Variants in NRXN1 observed in about 807,000 individuals in gnomAD.
NRXN1 encodes neurexin-1.
Under a neutral mutation model 150.9 loss-of-function variants are expected in NRXN1, and 39 were observed. That is an observed-to-expected ratio of 0.26 (90% CI 0.20 to 0.34). The LOEUF is 0.34. Ranked by LOEUF, NRXN1 falls within the 10% of genes least tolerant of loss-of-function variation. The pLI is 1.00. For synonymous variants in NRXN1, 924 were observed against 757.0 expected, an observed-to-expected ratio of 1.22 and a Z score of -3.62; for missense variants, 1,815 against 1,949.9, an observed-to-expected ratio of 0.93 and a Z score of 1.30.
chr2:50,180,510 G>A (rs545007532), intron 18 of NRXN1, among the ~76,000 whole-genome samples: 2 of 152,232 alleles, frequency 1.3e-5, no homozygotes, highest in South Asian at 4.1e-4. Context: ...AATGGGAGGT[G>A]TTTAGATAAT....
At chr2:50,098,641 TA>T (rs756606217) in intron 18 of NRXN1, among the ~76,000 whole-genome samples, 22 of 152,224 alleles carry the variant, frequency 1.4e-4, no homozygotes, top group Non-Finnish European at 7.4e-5. Context: ...TTGGAAACTT[TA>T]ATCTTGCTGA....
intron 5 of NRXN1, among the ~76,000 whole-genome samples, chr2:50,640,869 T>C (rs1212795194): frequency 6.6e-6 from 1 of 152,144 alleles, no homozygotes; most frequent in Non-Finnish European, 1.5e-5. Flanking sequence ...AAACCTTATG[T>C]AACCATTCAA....
At chr2:50,254,224 G>A (rs1207641927) in intron 17 of NRXN1, among the ~76,000 whole-genome samples, 2 of 151,668 alleles carry the variant, frequency 1.3e-5, no homozygotes, top group Non-Finnish European at 2.9e-5. Flanking sequence ...AGTATACTCT[G>A]ATGGTTGGTT....
intron 21 of NRXN1, among the ~76,000 whole-genome samples, chr2:49,945,755 T>TA (rs1672782337): frequency 6.6e-6 from 1 of 152,192 alleles, no homozygotes; most frequent in Admixed American, 6.5e-5. Context: ...CCATGGTGTA[T>TA]ATGTGCCACA....
intron 5 of NRXN1, among the ~76,000 whole-genome samples, chr2:50,781,813 A>G (rs1394794948): frequency 6.6e-6 from 1 of 152,152 alleles, no homozygotes; most frequent in Non-Finnish European, 1.5e-5. Flanking sequence ...AACTGCCTCA[A>G]TTCGGATCTG....
intron 18 of NRXN1, among the ~76,000 whole-genome samples, chr2:50,190,106 T>C (rs1165011290): frequency 6.6e-6 from 1 of 152,190 alleles, no homozygotes; most frequent in African/African-American, 2.4e-5. Flanking sequence ...CACTACATTC[T>C]GTTCAACTAT....
At chr2:50,690,101 G>T (rs1366726103) in intron 5 of NRXN1, among the ~76,000 whole-genome samples, 1 of 152,024 alleles carries the variant, frequency 6.6e-6, no homozygotes, top group Non-Finnish European at 1.5e-5. Context: ...TAGCAAGGCT[G>T]GTCTAGACCT....
intron 18 of NRXN1, among the ~76,000 whole-genome samples, chr2:50,106,362 T>C (rs1701642978): frequency 6.6e-6 from 1 of 151,990 alleles, no homozygotes. Context: ...AGTGCTGCCC[T>C]GAAAAATTAA....
At chr2:50,991,063 T>C (rs1183048332) in intron 2 of NRXN1, among the ~76,000 whole-genome samples, 1 of 152,068 alleles carries the variant, frequency 6.6e-6, no homozygotes, top group Non-Finnish European at 1.5e-5. Flanking sequence ...TGTGCCATGC[T>C]AGGAACTAGG....
chr2:50,218,417 T>C (rs1293674688), intron 18 of NRXN1, among the ~76,000 whole-genome samples: 2 of 151,950 alleles, frequency 1.3e-5, no homozygotes, highest in Non-Finnish European at 2.9e-5. Flanking sequence ...TGGTGATGAT[T>C]CTCTCAAAAT....
intron 5 of NRXN1, chr2:50,631,079 T>A (rs1458862491): frequency 2.2e-6 from 1 of 450,750 alleles, no homozygotes; most frequent in African/African-American, 2.1e-5. Context: ...ATAAATTGAT[T>A]ATTACAAGTA....
At chr2:50,975,904 C>T (rs987678311) in intron 2 of NRXN1, among the ~76,000 whole-genome samples, 2 of 152,036 alleles carry the variant, frequency 1.3e-5, no homozygotes, top group Non-Finnish European at 2.9e-5. Context: ...GTTTTGTTCT[C>T]TAAGATTGCT....
intron 18 of NRXN1, among the ~76,000 whole-genome samples, chr2:50,158,079 G>C (rs1421999271): frequency 8.5e-6 from 1 of 117,706 alleles, no homozygotes; most frequent in East Asian, 2.9e-4. Flanking sequence ...GTGTGTGTGT[G>C]TGTGTGTGTG....
At chr2:50,166,276 CGTATGTGT>C (rs1317999148) in intron 18 of NRXN1, among the ~76,000 whole-genome samples, 5 of 119,184 alleles carry the variant, frequency 4.2e-5, no homozygotes, top group Admixed American at 2.5e-4. Context: ...GAGTACTCAA[CGTATGTGT>C]GTGTGTGTGT....
intron 18 of NRXN1, among the ~76,000 whole-genome samples, chr2:50,114,155 T>A (rs1702729134): frequency 6.6e-6 from 1 of 152,148 alleles, no homozygotes; most frequent in African/African-American, 2.4e-5. Context: ...CACAAAGAAC[T>A]CTTGAAACTC....
intron 18 of NRXN1, among the ~76,000 whole-genome samples, chr2:50,116,866 T>A (rs146617853): frequency 6.5e-4 from 99 of 152,266 alleles, no homozygotes; most frequent in African/African-American, 2.2e-3. Flanking sequence ...CTTAAGCATT[T>A]CTGACTTGAT....
intron 15 of NRXN1, among the ~76,000 whole-genome samples, chr2:50,482,693 T>C (rs997647424): frequency 5.9e-5 from 9 of 152,164 alleles, no homozygotes; most frequent in Non-Finnish European, 1.3e-4. Context: ...TGAGACCTAC[T>C]GGGCTGGGCT....
At chr2:50,393,365 G>A (rs1350105333) in intron 17 of NRXN1, among the ~76,000 whole-genome samples, 1 of 151,898 alleles carries the variant, frequency 6.6e-6, no homozygotes, top group Non-Finnish European at 1.5e-5. Flanking sequence ...TAATTTATCT[G>A]CTTGCTGAAA....
intron 8 of NRXN1, among the ~76,000 whole-genome samples, chr2:50,586,417 T>A (rs1002823334): frequency 6.6e-6 from 1 of 152,166 alleles, no homozygotes; most frequent in African/African-American, 2.4e-5. Flanking sequence ...TCTGTCTCCT[T>A]CCAGTATAGT....
Sources: gnomAD v4.1 joint callset for allele counts (sites outside exome capture counted in the v4.1 genomes callset) on GRCh38, gnomAD v4.1.1 for gene constraint, MANE v1.5 for transcripts, NCBI Gene and HGNC (gene_info 2026-07-23, HGNC 2026-07-21) for gene names.